The following GALNTL6 variants were observed in gnomAD, a reference collection of about 807,000 sequenced individuals.
GALNTL6 encodes the protein polypeptide N-acetylgalactosaminyltransferase like 6.
In GALNTL6, 46 loss-of-function variants were observed where a neutral mutation model predicts 73.7. The observed-to-expected ratio is 0.62, with a 90% CI of 0.49 to 0.80. The LOEUF is 0.80. GALNTL6 is among the 30% of genes least tolerant of loss of function. The pLI is 0.00. For synonymous variants in GALNTL6, 259 were observed against 263.7 expected (o/e 0.98, Z 0.17); for missense variants, 604 against 755.0 (o/e 0.80, Z 2.34).
rs6816316 is a variant in GALNTL6 at position 172,889,177 on chromosome 4, T to C, written c.1041+6270T>C. On this transcript the variant is annotated intron_variant, in intron 8 of 12. Coordinates refer to ENST00000506823, the MANE Select transcript of GALNTL6 (RefSeq NM_001034845.3). ...CCATTTGGCAGAGTCTGCGGGGTTT[T>C]CTAAGCATAGAATCATATCATTAGT... 3.9e-3 allele frequency among the ~76,000 whole-genome samples: 595 copies of C among 152,332 alleles called. 2 individuals carry two copies. The highest frequency in any genetic ancestry group is 0.014 in the African/African-American group (566 of 41,568).
intron 5 of GALNTL6, among the ~76,000 whole-genome samples, chr4:172,781,309 A>T (rs946060903): frequency 6.6e-6 from 1 of 152,206 alleles, no homozygotes; most frequent in African/African-American, 2.4e-5. Context: ...AAAACTTTCG[A>T]AGGAGTAAAT....
intron 7 of GALNTL6, among the ~76,000 whole-genome samples, chr4:172,846,943 G>A (rs372424451): frequency 4.5e-4 from 68 of 151,178 alleles, no homozygotes; most frequent in African/African-American, 8.3e-4. Context: ...TCTTTCTCTC[G>A]TCCTCGCTCT....
chr4:172,545,614 TA>T (rs1384015801), intron 5 of GALNTL6: 1 of 152,316 alleles, frequency 6.6e-6, no homozygotes, highest in Admixed American at 6.5e-5. Flanking sequence ...CTTTTCACTG[TA>T]ATCATTTGCC....
At chr4:172,851,393 T>C (rs1743810297) in intron 7 of GALNTL6, among the ~76,000 whole-genome samples, 1 of 147,906 alleles carries the variant, frequency 6.8e-6, no homozygotes, top group Admixed American at 7.0e-5. Context: ...TATATGTATG[T>C]ATGTACTTAC....
At chr4:171,907,718 G>A (rs890631108) in intron 2 of GALNTL6, among the ~76,000 whole-genome samples, 3 of 151,110 alleles carry the variant, frequency 2.0e-5, no homozygotes, top group Non-Finnish European at 4.4e-5. Context: ...CAAAGCCAGA[G>A]GCATCACACT....
At chr4:172,589,313 T>C (rs1719816225) in intron 5 of GALNTL6, among the ~76,000 whole-genome samples, 7 of 152,220 alleles carry the variant, frequency 4.6e-5, no homozygotes, top group Admixed American at 4.6e-4. Flanking sequence ...CTTACATGTA[T>C]ATATGAATTT....
At chr4:172,821,461 T>A (rs1741923397) in intron 7 of GALNTL6, among the ~76,000 whole-genome samples, 1 of 152,200 alleles carries the variant, frequency 6.6e-6, no homozygotes, top group African/African-American at 2.4e-5. Context: ...TCAATTAATG[T>A]TTCATAGTGA....
At position 172,048,506 on chromosome 4, in the gene GALNTL6, A is replaced by C. The variant is rs114900380; in HGVS notation, c.139-181150A>C. Among the ~76,000 whole-genome samples, 439 of 152,270 alleles carry C rather than the reference A, an allele frequency of 2.9e-3. 1 individual carries two copies. Among genetic ancestry groups the C allele is most frequent in the African/African-American group, 0.01 (425 of 41,566 alleles). ...ACAGAAGGCTGTAATCATAGATGCT[A>C]CTATGAGTCAATGATTCCTTCAAAT... is the stretch of plus-strand genomic sequence containing the variant. On this transcript the variant is annotated intron_variant, in intron 2 of 12. Coordinates refer to ENST00000506823, the MANE Select transcript of GALNTL6 (RefSeq NM_001034845.3).
chr4:172,334,678 A>G lies in GALNTL6; in HGVS notation c.387-13845A>G, dbSNP rs377737373. On this transcript the variant is annotated intron_variant, in intron 4 of 12. Transcript: ENST00000506823. ...TAATCATGTCATCAGAGAAGAAAAA[A>G]AATTTGATTTTATCTTTTCATATTT... Among the ~76,000 whole-genome samples the G allele has an allele frequency of 4.4e-4, 67 of 152,264 alleles. 1 individual carries two copies. In the South Asian group the frequency reaches 0.013, roughly 31 times the overall value.
intron 5 of GALNTL6, among the ~76,000 whole-genome samples, chr4:172,389,305 A>G (rs1482759970): frequency 6.6e-6 from 1 of 152,048 alleles, no homozygotes; most frequent in African/African-American, 2.4e-5. Flanking sequence ...AAAAAGAGAA[A>G]AAGAAAGATA....
At chr4:172,620,039 G>A (rs1738894954) in intron 5 of GALNTL6, among the ~76,000 whole-genome samples, 1 of 152,018 alleles carries the variant, frequency 6.6e-6, no homozygotes, top group Non-Finnish European at 1.5e-5. Flanking sequence ...GCACTATTTG[G>A]GACCTATTTT....
rs780222623 is a variant in GALNTL6, at chr4:172,348,630, A to T, written c.494A>T (p.Asn165Ile). 1 of 1,612,142 alleles carries T rather than the reference A, an allele frequency of 6.2e-7. No individual in the cohort carries two copies. The highest frequency in any genetic ancestry group is 1.7e-5 in the Admixed American group (1 of 59,820). ...CTGCGGACCATACACAGTATAATTAACCGAACCCCAGGGAGTCTGATAGCA... is the reference window on the plus strand; with the variant it reads ...CTGCGGACCATACACAGTATAATTATCCGAACCCCAGGGAGTCTGATAGCA... Reference protein sequence around the residue: ...SLLRTIHSIINRTPGSLIAEI... With the variant: ...SLLRTIHSIIIRTPGSLIAEI... The change falls in exon 5 of 13, where the codon AAC becomes ATC. Residue 165 changes from asparagine (N) to isoleucine (I), a missense_variant. Asn to Ile is a moderately radical substitution (Grantham distance 149). This residue lies in a region of GALNTL6 where 179 missense variants were observed against 230.8 expected (regional missense o/e 0.78). Coordinates refer to ENST00000506823, the MANE Select transcript of GALNTL6 (RefSeq NM_001034845.3).
At chr4:172,940,317 T>C (rs909317493) in intron 9 of GALNTL6, among the ~76,000 whole-genome samples, 1 of 151,886 alleles carries the variant, frequency 6.6e-6, no homozygotes, top group African/African-American at 2.4e-5. Flanking sequence ...TCAAACCTAA[T>C]TCCACTTCCC....
intron 10 of GALNTL6, among the ~76,000 whole-genome samples, chr4:172,961,990 G>A (rs536909382): frequency 3.9e-5 from 6 of 152,318 alleles, no homozygotes; most frequent in East Asian, 1.9e-4. Flanking sequence ...GGCTGAGTCC[G>A]AAAAGAGAGT....
chr4:171,965,203 TA>T (rs1167417548), intron 2 of GALNTL6, among the ~76,000 whole-genome samples: 1 of 152,222 alleles, frequency 6.6e-6, no homozygotes, highest in East Asian at 1.9e-4. Flanking sequence ...CAAATTGAAC[TA>T]AATAGGGTAA....
intron 5 of GALNTL6, among the ~76,000 whole-genome samples, chr4:172,465,491 A>G (rs913513085): frequency 2.0e-5 from 3 of 152,094 alleles, no homozygotes; most frequent in Non-Finnish European, 4.4e-5. Context: ...AAAGAAAAAA[A>G]AAGAAAAAGA....
intron 5 of GALNTL6, among the ~76,000 whole-genome samples, chr4:172,692,983 TA>T (rs1733406715): frequency 6.6e-6 from 1 of 152,146 alleles, no homozygotes; most frequent in Admixed American, 6.5e-5. Flanking sequence ...AGGTGAATAT[TA>T]AATAAGCCAA....
chr4:172,701,561 A>G (rs1210589787), intron 5 of GALNTL6, among the ~76,000 whole-genome samples: 1 of 152,006 alleles, frequency 6.6e-6, no homozygotes, highest in Non-Finnish European at 1.5e-5. Context: ...AGAAACTCTG[A>G]TGGGGTGGGC....
At chr4:172,839,936 A>T in intron 7 of GALNTL6, among the ~76,000 whole-genome samples, 1 of 152,238 alleles carries the variant, frequency 6.6e-6, no homozygotes, top group East Asian at 1.9e-4. Context: ...AAACAAATAC[A>T]TAATGTTGAC....
Sources: gnomAD v4.1 joint callset for allele counts (sites outside exome capture counted in the v4.1 genomes callset) on GRCh38, gnomAD v4.1.1 for gene constraint, gnomAD v4.1.1 regional missense constraint, MANE v1.5 for transcripts, NCBI Gene and HGNC (gene_info 2026-07-23, HGNC 2026-07-21) for gene names.